Variants in TENM1 observed in about 807,000 individuals in gnomAD.
The protein encoded by TENM1 is teneurin transmembrane protein 1, also known as teneurin-1.
In TENM1, 35 loss-of-function variants were observed where a neutral mutation model predicts 174.8. The ratio of observed to expected loss-of-function variants is 0.20; its 90% CI spans 0.15 to 0.27. The LOEUF is 0.27. Ranked by LOEUF, TENM1 falls within the 10% of genes least tolerant of loss-of-function variation. The probability of loss-of-function intolerance (pLI) is 1.00; values close to 1 mark genes in which losing one functional copy is unlikely to be tolerated. For synonymous variants in TENM1, 781 were observed against 798.7 expected (o/e 0.98, Z 0.37); for missense variants, 1,633 against 2,130.1 (o/e 0.77, Z 4.59).
chrX:124,908,921 C>A (rs960668992), intron 1 of TENM1, among the ~76,000 whole-genome samples: 1 of 108,132 alleles, frequency 9.2e-6, no homozygotes, highest in Non-Finnish European at 1.9e-5. Flanking sequence ...TGCAGTGATG[C>A]GATCTTGGCT....
chrX:124,925,948 A>G (rs1471835947), intron 1 of TENM1, among the ~76,000 whole-genome samples: 2 of 112,229 alleles, frequency 1.8e-5, no homozygotes, highest in Non-Finnish European at 3.8e-5. Flanking sequence ...CTATGGGAGC[A>G]CAGGCCCAAT....
At chrX:124,981,146 T>C in the TENM1 span, among the ~76,000 whole-genome samples, 1 of 111,513 alleles carries the variant, frequency 9.0e-6, no homozygotes, top group African/African-American at 3.3e-5. Context: ...ACATAGCAGA[T>C]CAGAAAAATA....
the TENM1 span, among the ~76,000 whole-genome samples, chrX:125,084,885 A>G: frequency 1.5e-4 from 17 of 111,481 alleles, no homozygotes; most frequent in Non-Finnish European, 2.7e-4. Context: ...GAAGTCAAAG[A>G]AAGAGAATTT....
chrX:124,554,069 A>C (rs2048641879), intron 14 of TENM1, among the ~76,000 whole-genome samples: 1 of 111,361 alleles, frequency 9.0e-6, no homozygotes. Flanking sequence ...AGATTGCACC[A>C]CTGCACTCAA....
chrX:124,933,000 C>A (rs2058194675), intron 1 of TENM1, among the ~76,000 whole-genome samples: 1 of 112,183 alleles, frequency 8.9e-6, no homozygotes, highest in Non-Finnish European at 1.9e-5. Flanking sequence ...AAGGGTTCCA[C>A]AGTCAAGTCA....
chrX:125,156,360 G>A, the TENM1 span, among the ~76,000 whole-genome samples: 1 of 111,564 alleles, frequency 9.0e-6, no homozygotes, highest in Non-Finnish European at 1.9e-5. Flanking sequence ...TTGTTACCCC[G>A]GTAATAAGCA....
intron 11 of TENM1, among the ~76,000 whole-genome samples, chrX:124,613,267 GC>G (rs1167024168): frequency 9.0e-6 from 1 of 111,163 alleles, no homozygotes; most frequent in Non-Finnish European, 1.9e-5. Context: ...TGTTTTCCAG[GC>G]CTGAGGCATT....
At chrX:124,736,885 G>T in intron 4 of TENM1, 72 bp downstream of exon 7, 1 of 1,119,152 alleles carries the variant, frequency 8.9e-7, no homozygotes, top group South Asian at 2.1e-5. Context: ...GTGATGAAAT[G>T]AGTTTCTGCA....
chrX:124,525,121 G>A (rs1415371624), intron 16 of TENM1, among the ~76,000 whole-genome samples: 2 of 112,058 alleles, frequency 1.8e-5, no homozygotes, highest in African/African-American at 3.2e-5. Flanking sequence ...ATTACCAATC[G>A]TGTTTTGTTG....
At chrX:124,405,824 A>G (rs1266997587) in intron 26 of TENM1, among the ~76,000 whole-genome samples, 1 of 110,396 alleles carries the variant, frequency 9.1e-6, no homozygotes, top group African/African-American at 3.3e-5. Context: ...TCCAAATCCT[A>G]TCTCCCTTCC....
intron 15 of TENM1, among the ~76,000 whole-genome samples, chrX:124,537,172 T>C (rs889093267): frequency 9.0e-6 from 1 of 111,347 alleles, no homozygotes; most frequent in Non-Finnish European, 1.9e-5. Context: ...CCCTGACCTC[T>C]CCCCGGTTAC....
intron 3 of TENM1, among the ~76,000 whole-genome samples, chrX:124,859,780 T>C (rs1226676429): frequency 8.9e-6 from 1 of 111,776 alleles, no homozygotes; most frequent in Non-Finnish European, 1.9e-5. Flanking sequence ...TTAAAAGTGC[T>C]ATTTTATCAT....
intron 11 of TENM1, among the ~76,000 whole-genome samples, chrX:124,587,261 A>T (rs1444865796): frequency 2.7e-5 from 3 of 110,730 alleles, no homozygotes; most frequent in Non-Finnish European, 5.7e-5. Flanking sequence ...ACAAAGCTGG[A>T]GGCATCATGC....
chrX:125,169,049 G>A, the TENM1 span, among the ~76,000 whole-genome samples: 1 of 110,506 alleles, frequency 9.0e-6, no homozygotes, highest in Non-Finnish European at 1.9e-5. Context: ...TAAGCATTTT[G>A]AGGGAAGAAG....
the TENM1 span, among the ~76,000 whole-genome samples, chrX:125,105,455 A>G: frequency 1.8e-5 from 2 of 111,594 alleles, no homozygotes; most frequent in African/African-American, 6.5e-5. Flanking sequence ...TTCCTCTGAG[A>G]TGGAGGCCTT....
chrX:124,656,524 G>T (rs2051447941), intron 6 of TENM1, among the ~76,000 whole-genome samples: 1 of 111,906 alleles, frequency 8.9e-6, no homozygotes, highest in Non-Finnish European at 1.9e-5. Context: ...ATAAAAATAG[G>T]CAAAGCAAGC....
the TENM1 span, among the ~76,000 whole-genome samples, chrX:125,065,139 A>G: frequency 2.7e-5 from 3 of 112,197 alleles, no homozygotes; most frequent in South Asian, 1.1e-3. Flanking sequence ...AGCAATGGCT[A>G]TGAAGAGATG....
chrX:124,391,980 T>G (rs915966349), intron 28 of TENM1, 72 bp downstream of exon 31: 3 of 916,952 alleles, frequency 3.3e-6, no homozygotes, highest in Non-Finnish European at 4.6e-6. Flanking sequence ...CTCACCAAGA[T>G]GGACAATTAG....
intron 27 of TENM1, among the ~76,000 whole-genome samples, chrX:124,403,334 C>A (rs1302966020): frequency 9.2e-6 from 1 of 109,023 alleles, no homozygotes; most frequent in Non-Finnish European, 1.9e-5. Context: ...TCCTGGCGAA[C>A]ACGGTGAAAT....
Sources: allele counts gnomAD v4.1 joint callset (sites outside exome capture counted in the v4.1 genomes callset), GRCh38; gene constraint gnomAD v4.1.1; transcripts MANE v1.5; gene names NCBI Gene and HGNC (gene_info 2026-07-23, HGNC 2026-07-21).